CCDC178: variants seen among roughly 807,000 people sequenced by gnomAD.
CCDC178 encodes the protein coiled-coil domain-containing protein 178.
CCDC178 carries 126 observed loss-of-function variants against 117.4 expected under a neutral mutation model. That is an observed-to-expected ratio of 1.07 (90% CI 0.93 to 1.24). CCDC178 has a LOEUF of 1.24. Among genes scored for constraint, CCDC178 ranks in the 50% most tolerant of loss-of-function variants. The pLI is 0.00. For missense variants in CCDC178, 1,030 were observed against 986.9 expected (o/e 1.04, Z -0.59); for synonymous variants, 283 against 313.4 (o/e 0.90, Z 1.02).
intron 9 of CCDC178, among the ~76,000 whole-genome samples, chr18:33,342,569 G>A (rs926435825): frequency 2.0e-5 from 3 of 152,132 alleles, no homozygotes; most frequent in Admixed American, 2.0e-4. Flanking sequence ...AGCATCCTAC[G>A]TTTCTATTCA....
chr18:33,215,600 T>G lies in CCDC178; in HGVS notation c.2028A>C (p.Lys676Asn). 1 of 1,511,272 alleles carries G rather than the reference T, an allele frequency of 6.6e-7. No homozygotes were observed. The highest frequency in any genetic ancestry group is 1.3e-5 in the South Asian group (1 of 76,680). The allele number at this position is 1,511,272 out of a possible 1,614,324, so 93.6% of individuals were successfully genotyped here. ...AKINELNEEL[K>N]AKEEEKKSFD... ...AACTTTTCTTTTCTTCTTCTTTTGC[T>G]TTTAATTCCTCATTCAATTCATTTA... Residue 676 changes from lysine to asparagine, a missense_variant, in exon 19 of 23, where the codon AAA becomes AAC. Coordinates refer to ENST00000383096, the MANE Select transcript of CCDC178 (RefSeq NM_001105528.4).
chr18:33,378,981 T>G (rs1051357367), intron 5 of CCDC178, among the ~76,000 whole-genome samples: 3 of 151,614 alleles, frequency 2.0e-5, no homozygotes, highest in African/African-American at 2.4e-5. Flanking sequence ...CTTTCCACTT[T>G]GATATTTTGT....
chr18:33,167,823 C>T (rs1222212193), intron 20 of CCDC178, among the ~76,000 whole-genome samples: 1 of 152,008 alleles, frequency 6.6e-6, no homozygotes, highest in Non-Finnish European at 1.5e-5. Flanking sequence ...GCTGAGATTG[C>T]ACCACTGCAC....
intron 5 of CCDC178, among the ~76,000 whole-genome samples, chr18:33,371,762 C>G (rs1036216688): frequency 4.9e-5 from 7 of 142,522 alleles, no homozygotes; most frequent in African/African-American, 1.8e-4. Context: ...TCCATCTTTC[C>G]TCTTTAGTTC....
chr18:33,111,802 C>T lies in CCDC178; in HGVS notation c.2239-18892G>A, dbSNP rs77646851. 2.3e-3 allele frequency among the ~76,000 whole-genome samples: 351 copies of T among 151,654 alleles called. 2 individuals carry two copies. Among genetic ancestry groups the T allele is most frequent in the African/African-American group, 7.8e-3 (324 of 41,450 alleles). On this transcript the variant is annotated intron_variant, in intron 20 of 22. Coordinates refer to ENST00000383096, the MANE Select transcript of CCDC178 (RefSeq NM_001105528.4). The stretch of plus-strand genomic sequence containing the variant: ...CATGGTGATTATAAAGATAAAATAA[C>T]TGGGTAGAAGTGAAAATACACGGTA...
intron 22 of CCDC178, 172 bp from the exon 23 acceptor site, chr18:32,938,263 T>C (rs1276390119): frequency 3.6e-6 from 2 of 560,348 alleles, no homozygotes; most frequent in Admixed American, 3.1e-5. Flanking sequence ...GGAAGAGTGA[T>C]TTCTCTATGA....
intron 18 of CCDC178, among the ~76,000 whole-genome samples, chr18:33,220,351 C>T (rs1036127994): frequency 5.3e-5 from 8 of 151,974 alleles, no homozygotes; most frequent in Admixed American, 4.6e-4. Flanking sequence ...ATAGAAAATC[C>T]AGAATAGTCT....
chr18:33,117,856 C>A (rs1189115038), intron 20 of CCDC178, among the ~76,000 whole-genome samples: 1 of 151,942 alleles, frequency 6.6e-6, no homozygotes, highest in Non-Finnish European at 1.5e-5. Context: ...CTATTCAATC[C>A]TGATCAATTG....
intron 15 of CCDC178, among the ~76,000 whole-genome samples, chr18:33,228,193 A>G (rs1451441403): frequency 5.3e-5 from 8 of 152,350 alleles, no homozygotes; most frequent in Middle Eastern, 3.4e-3. Flanking sequence ...AGAACCTTCC[A>G]GGTACATTAA....
At chr18:33,176,531 T>C (rs984569654) in intron 20 of CCDC178, among the ~76,000 whole-genome samples, 2 of 152,158 alleles carry the variant, frequency 1.3e-5, no homozygotes, top group African/African-American at 4.8e-5. Context: ...ATCCACCACA[T>C]TTAGGTTTTC....
chr18:33,267,045 GT>G lies in CCDC178; in HGVS notation c.1279del (p.Thr427HisfsTer23), dbSNP rs776882105. 16 of 1,581,466 alleles carry G rather than the reference GT, an allele frequency of 1.0e-5. No individual in the cohort carries two copies. The highest frequency in any genetic ancestry group is 4.5e-5 in the East Asian group (2 of 44,426). On this transcript the variant is annotated frameshift_variant, in exon 14 of 23. Transcript: ENST00000383096. LOFTEE classifies it high-confidence loss of function. ...AACATCAGAAAGCTCAATATCCCATGTTTTTTTCTTTAAGAAAAGAATAAAA... is the reference window on the plus strand; with the variant it reads ...AACATCAGAAAGCTCAATATCCCATGTTTTTTCTTTAAGAAAAGAATAAAA... ...AVNDFYAAKKTWDIELSDVAK... is the reference protein window; with the variant it reads ...AVNDFYAAKKXWDIELSDVAK...
At chr18:33,174,595 C>T (rs995767967) in intron 20 of CCDC178, among the ~76,000 whole-genome samples, 1 of 152,032 alleles carries the variant, frequency 6.6e-6, no homozygotes, top group Admixed American at 6.6e-5. Context: ...CTTCTGAAAC[C>T]CCAGCATAGA....
chr18:33,427,761 C>G lies in CCDC178; in HGVS notation c.-23+12201G>C, dbSNP rs1269223895. On this transcript the variant is annotated intron_variant, in intron 2 of 22. Transcript: ENST00000383096. ...ATCTCATACTGTATTCAGAATTTGT[C>G]TGAGTAAAGAGATGAGCCTTTCACC... Among the ~76,000 whole-genome samples the G allele has an allele frequency of 3.9e-5, 6 of 152,278 alleles. No individual in the cohort carries two copies. The East Asian group carries it at 1.2e-3, about 29-fold the overall frequency.
At chr18:33,264,483 C>T (rs1248468257) in intron 14 of CCDC178, among the ~76,000 whole-genome samples, 2 of 151,958 alleles carry the variant, frequency 1.3e-5, no homozygotes, top group Non-Finnish European at 2.9e-5. Context: ...ACCATGTAAT[C>T]CGCTGTTAAA....
At chr18:33,333,428 T>C in intron 9 of CCDC178, 34 bp from the exon 10 acceptor site, 1 of 1,074,306 alleles carries the variant, frequency 9.3e-7, no homozygotes, top group East Asian at 2.6e-5. Flanking sequence ...AAAGAAAATC[T>C]GATTGGAGGA....
intron 21 of CCDC178, among the ~76,000 whole-genome samples, chr18:32,994,533 T>A (rs2055463393): frequency 6.6e-6 from 1 of 152,196 alleles, no homozygotes; most frequent in Non-Finnish European, 1.5e-5. Context: ...AGATACCCTG[T>A]TTCCAGTACC....
At chr18:33,128,047 T>G (rs2058029365) in intron 20 of CCDC178, among the ~76,000 whole-genome samples, 1 of 152,206 alleles carries the variant, frequency 6.6e-6, no homozygotes, top group African/African-American at 2.4e-5. Flanking sequence ...AGGCTTGGAA[T>G]CCAGCTCTCA....
rs537511144 is a variant in CCDC178, at chr18:33,123,017, A to G, written c.2239-30107T>C. On this transcript the variant is annotated intron_variant, in intron 20 of 22. Transcript: ENST00000383096. ...AGTCAGATGCTTGGTGACCCTGAAT[A>G]AGTATCACAGTCTCCAGATATTTCG... Among the ~76,000 whole-genome samples the G allele has an allele frequency of 9.2e-5, 14 of 152,258 alleles. 1 individual carries two copies. In the South Asian group the frequency reaches 2.9e-3, roughly 32 times the overall value.
At chr18:33,413,530 G>GAA (rs5823896) in intron 2 of CCDC178, among the ~76,000 whole-genome samples, 48 of 150,838 alleles carry the variant, frequency 3.2e-4, no homozygotes, top group East Asian at 9.7e-4. Flanking sequence ...TGGGTAAATT[G>GAA]AAAAAAAAAT....
Sources: gnomAD v4.1 joint callset for allele counts (sites outside exome capture counted in the v4.1 genomes callset) on GRCh38, gnomAD v4.1.1 for gene constraint, MANE v1.5 for transcripts, NCBI Gene and HGNC (gene_info 2026-07-23, HGNC 2026-07-21) for gene names.